TRIM33: variants seen among roughly 807,000 people sequenced by gnomAD.
TRIM33 encodes the protein E3 ubiquitin-protein ligase TRIM33.
Under a neutral mutation model 125.4 loss-of-function variants are expected in TRIM33, and 20 were observed. That is an observed-to-expected ratio of 0.16 (90% CI 0.11 to 0.23). The LOEUF (loss-of-function observed/expected upper bound fraction) is 0.23. TRIM33 is among the 10% of genes least tolerant of loss of function. The pLI is 1.00. For synonymous variants in TRIM33, 564 were observed against 513.9 expected (o/e 1.10, Z -1.32); for missense variants, 920 against 1,411.4 (o/e 0.65, Z 5.58).
At chr1:114,462,209 A>G (rs895552049) in intron 4 of TRIM33, among the ~76,000 whole-genome samples, 8 of 152,202 alleles carry the variant, frequency 5.3e-5, no homozygotes, top group Non-Finnish European at 1.0e-4. Flanking sequence ...CAGCACTCAG[A>G]AAAGTACCTG....
At chr1:114,479,997 A>C (rs1226645177) in intron 1 of TRIM33, among the ~76,000 whole-genome samples, 2 of 152,218 alleles carry the variant, frequency 1.3e-5, no homozygotes, top group Non-Finnish European at 2.9e-5. Flanking sequence ...CAGCTCATTG[A>C]GAACAGGCCA....
At chr1:114,478,753 A>G (rs1375637744) in intron 1 of TRIM33, among the ~76,000 whole-genome samples, 1 of 152,248 alleles carries the variant, frequency 6.6e-6, no homozygotes, top group Non-Finnish European at 1.5e-5. Flanking sequence ...CTGGGCTTCA[A>G]TAATACACTT....
At chr1:114,510,517 G>A in intron 1 of TRIM33, 34 bp downstream of exon 1, 1 of 1,444,354 alleles carries the variant, frequency 6.9e-7, no homozygotes, top group Non-Finnish European at 9.1e-7. Flanking sequence ...CAAATCCCTT[G>A]CGGCCCAGAT....
chr1:114,463,767 C>CTTTTT (rs397977770), intron 2 of TRIM33, among the ~76,000 whole-genome samples: 1 of 126,046 alleles, frequency 7.9e-6, no homozygotes, highest in Non-Finnish European at 1.6e-5. Context: ...GCAGATTTGA[C>CTTTTT]TTTTTTTTTT....
Position 114,394,583 on chromosome 1 carries a change from C to T in TRIM33, c.*3065G>A, listed in dbSNP as rs1181440818. 4 of 207,520 alleles carry T rather than the reference C, an allele frequency of 1.9e-5. No homozygotes were observed. The highest frequency in any genetic ancestry group is 1.2e-4 in the Admixed American group (2 of 16,876). 12.9% of individuals were successfully genotyped at this position (207,520 alleles called of 1,614,324 possible). A position where few individuals can be genotyped will look rare whatever the true frequency, so the allele number is the denominator to read the frequency against. On this transcript the variant is annotated 3_prime_UTR_variant, in exon 20 of 20. Coordinates refer to ENST00000358465, the MANE Select transcript of TRIM33 (RefSeq NM_015906.4). The stretch of plus-strand genomic sequence containing the variant: ...AATGAGACAACTGACTTAGCATTAC[C>T]TAAAATTCCCTTATGTTAAGATACA...
intron 14 of TRIM33, 40 bp downstream of exon 14, chr1:114,406,901 G>C (rs1279388296): frequency 6.3e-7 from 1 of 1,587,674 alleles, no homozygotes; most frequent in East Asian, 2.2e-5. Context: ...TCAATGAAGT[G>C]ATGTCCTTAA....
At chr1:114,471,602 C>G (rs1570616415) in intron 1 of TRIM33, among the ~76,000 whole-genome samples, 1 of 151,946 alleles carries the variant, frequency 6.6e-6, no homozygotes, top group Middle Eastern at 3.4e-3. Flanking sequence ...AAAGGATAAA[C>G]AAACATACAG....
chr1:114,413,673 A>G (rs2101119567), intron 11 of TRIM33, among the ~76,000 whole-genome samples: 1 of 147,156 alleles, frequency 6.8e-6, no homozygotes, highest in African/African-American at 2.5e-5. Flanking sequence ...GCAACACAGT[A>G]TTTATAGCAC....
At chr1:114,402,644 G>C (rs1473895856) in intron 16 of TRIM33, 116 bp downstream of exon 16, 1 of 1,215,806 alleles carries the variant, frequency 8.2e-7, no homozygotes, top group African/African-American at 1.5e-5. Flanking sequence ...TCAGATGACA[G>C]GATTAAAAAT....
intron 13 of TRIM33, among the ~76,000 whole-genome samples, chr1:114,407,822 AG>A (rs1652342396): frequency 6.6e-6 from 1 of 152,242 alleles, no homozygotes; most frequent in African/African-American, 2.4e-5. Context: ...CCACAAAAGC[AG>A]GGAAATAAAC....
At chr1:114,458,130 T>C (rs956385489) in intron 4 of TRIM33, among the ~76,000 whole-genome samples, 13 of 152,192 alleles carry the variant, frequency 8.5e-5, no homozygotes, top group African/African-American at 3.1e-4. Flanking sequence ...AATAGTTTCT[T>C]CCTGAAACTA....
intron 14 of TRIM33, 138 bp from the exon 15 acceptor site, chr1:114,405,897 TAAAG>T (rs1159305627): frequency 1.3e-6 from 1 of 795,604 alleles, no homozygotes; most frequent in African/African-American, 1.8e-5. Flanking sequence ...AATAGTGCCA[TAAAG>T]AAATGACAAT....
chr1:114,412,809 A>G lies in TRIM33; in HGVS notation c.2062-2493T>C, dbSNP rs1572022260. ...TTGTCTTATTACAAACAAAGCTGCT[A>G]TAAACATTTGAGTACGAATCTTTGT... On this transcript the variant is annotated intron_variant, in intron 11 of 19. Coordinates refer to ENST00000358465, the MANE Select transcript of TRIM33 (RefSeq NM_015906.4). 2.0e-5 allele frequency among the ~76,000 whole-genome samples: 3 copies of G among 152,338 alleles called. No individual in the cohort carries two copies. In the South Asian group the frequency reaches 6.2e-4, roughly 32 times the overall value.
intron 4 of TRIM33, among the ~76,000 whole-genome samples, chr1:114,456,384 G>C (rs767422972): frequency 6.6e-6 from 1 of 152,108 alleles, no homozygotes; most frequent in Non-Finnish European, 1.5e-5. Context: ...TGGTGCCAAT[G>C]AATTCTTTGT....
intron 9 of TRIM33, 51 bp downstream of exon 9, chr1:114,425,398 G>C: frequency 1.3e-6 from 2 of 1,588,388 alleles, no homozygotes; most frequent in Non-Finnish European, 1.7e-6. Context: ...AAAAAGTGTA[G>C]TGTTGAGGGC....
At chr1:114,506,552 GAGAC>G (rs1402433132) in intron 1 of TRIM33, among the ~76,000 whole-genome samples, 2 of 152,000 alleles carry the variant, frequency 1.3e-5, no homozygotes, top group East Asian at 3.9e-4. Flanking sequence ...GATTTTTTGA[GAGAC>G]AGGGTCTTGC....
intron 4 of TRIM33, among the ~76,000 whole-genome samples, chr1:114,446,198 T>C (rs375075078): frequency 1.3e-5 from 2 of 152,184 alleles, no homozygotes; most frequent in South Asian, 4.2e-4. Context: ...AGAGTATTCA[T>C]TGTCAGCAAA....
chr1:114,397,580 G>GGT lies in TRIM33; in HGVS notation c.*67_*68insAC, dbSNP rs1553204047. The GGT allele has an allele frequency of 6.4e-5, 69 of 1,075,796 alleles. No individual in the cohort carries two copies. The South Asian group carries it at 1.0e-3, about 16-fold the overall frequency. 66.6% of individuals were successfully genotyped at this position (1,075,796 alleles called of 1,614,324 possible). A position where few individuals can be genotyped will look rare whatever the true frequency, so the allele number is the denominator to read the frequency against. On this transcript the variant is annotated 3_prime_UTR_variant, in exon 20 of 20. Coordinates refer to ENST00000358465, the MANE Select transcript of TRIM33 (RefSeq NM_015906.4). ...CCAGCAACACTTAAAAGTTTTCTGGGTTTTTTGTGTTTTTTTTTTTTTTTT... is the reference window on the plus strand; with the variant it reads ...CCAGCAACACTTAAAAGTTTTCTGGGGTTTTTTTGTGTTTTTTTTTTTTTTTT...
intron 5 of TRIM33, among the ~76,000 whole-genome samples, chr1:114,432,884 C>A (rs1029931672): frequency 4.6e-5 from 7 of 152,040 alleles, no homozygotes; most frequent in Non-Finnish European, 1.0e-4. Context: ...TCATTTTAAT[C>A]ATAAATTAAT....
Sources: gnomAD v4.1 joint callset for allele counts (sites outside exome capture counted in the v4.1 genomes callset) on GRCh38, gnomAD v4.1.1 for gene constraint, MANE v1.5 for transcripts, NCBI Gene and HGNC (gene_info 2026-07-23, HGNC 2026-07-21) for gene names.